Variants in SNAP25 observed in about 807,000 individuals in gnomAD.
SNAP25 encodes synaptosomal-associated protein 25.
A neutral mutation model predicts 28.7 loss-of-function variants in SNAP25; 3 were observed. The ratio of observed to expected loss-of-function variants is 0.10; its 90% CI spans 0.05 to 0.27. The LOEUF (loss-of-function observed/expected upper bound fraction) is 0.27. Among genes scored for constraint, SNAP25 ranks in the 10% least tolerant of loss-of-function variants. SNAP25 has a pLI of 1.00. For missense variants in SNAP25, 117 were observed against 278.7 expected (o/e 0.42, Z 4.13); for synonymous variants, 61 against 88.1 (o/e 0.69, Z 1.72).
chr20:10,246,963 A>C (rs755634715), intron 1 of SNAP25, among the ~76,000 whole-genome samples: 8 of 152,010 alleles, frequency 5.3e-5, no homozygotes, highest in Non-Finnish European at 1.2e-4. Context: ...TGTGTAGAAA[A>C]GGGGTGATGA....
chr20:10,279,415 C>T (rs1297557630), intron 3 of SNAP25, among the ~76,000 whole-genome samples: 1 of 152,176 alleles, frequency 6.6e-6, no homozygotes, highest in African/African-American at 2.4e-5. Context: ...CGTGTGTGCA[C>T]ATCTGATATA....
At chr20:10,301,283 C>T (rs1196335902) in intron 7 of SNAP25, among the ~76,000 whole-genome samples, 1 of 152,152 alleles carries the variant, frequency 6.6e-6, no homozygotes, top group Non-Finnish European at 1.5e-5. Context: ...TAATCAGAAG[C>T]CAGGCAGGTG....
intron 4 of SNAP25, among the ~76,000 whole-genome samples, chr20:10,286,502 T>C (rs921844346): frequency 2.0e-5 from 3 of 152,106 alleles, no homozygotes; most frequent in Non-Finnish European, 2.9e-5. Flanking sequence ...CAAAGATTGC[T>C]GATTAGAGGA....
At chr20:10,287,405 A>T (rs2063902997) in intron 4 of SNAP25, among the ~76,000 whole-genome samples, 1 of 151,976 alleles carries the variant, frequency 6.6e-6, no homozygotes, top group African/African-American at 2.4e-5. Flanking sequence ...AACACATGAA[A>T]AAATGCTCAC....
At chr20:10,296,486 C>T (rs2064112668) in intron 5 of SNAP25, 1 of 159,608 alleles carries the variant, frequency 6.3e-6, no homozygotes, top group Admixed American at 6.0e-5. Context: ...AGGATGTTTT[C>T]TTGATGACAG....
At chr20:10,270,900 T>G (rs2063581934) in intron 1 of SNAP25, among the ~76,000 whole-genome samples, 1 of 152,114 alleles carries the variant, frequency 6.6e-6, no homozygotes, top group African/African-American at 2.4e-5. Context: ...TACATGGGAG[T>G]GTCAGAACAG....
rs145864681 is a variant in SNAP25, at chr20:10,241,549, G to A, written c.-64+22572G>A. Reference sequence around the variant, plus strand: ...GATGGACAAGAAAAATATCAGATGGGGATGGTGGCTAAGTAAGAGATTGAA... The same window carrying A: ...GATGGACAAGAAAAATATCAGATGGAGATGGTGGCTAAGTAAGAGATTGAA... On this transcript the variant is annotated intron_variant, in intron 1 of 7. Coordinates refer to ENST00000254976, the MANE Select transcript of SNAP25 (RefSeq NM_130811.4). Among the ~76,000 whole-genome samples the A allele has an allele frequency of 9.8e-3, 1,495 of 152,194 alleles. 28 individuals carry two copies. Among genetic ancestry groups the A allele is most frequent in the Non-Finnish European group, 9.9e-3 (674 of 67,994 alleles).
At chr20:10,234,295 G>T (rs2062879292) in intron 1 of SNAP25, among the ~76,000 whole-genome samples, 2 of 152,130 alleles carry the variant, frequency 1.3e-5, no homozygotes, top group Admixed American at 1.3e-4. Context: ...CCCTGGAAAA[G>T]ATCACCTACT....
chr20:10,257,110 T>C (rs994128980), intron 1 of SNAP25, among the ~76,000 whole-genome samples: 1 of 152,192 alleles, frequency 6.6e-6, no homozygotes, highest in African/African-American at 2.4e-5. Context: ...ATTGAATTGG[T>C]CTGGGGTGTT....
At chr20:10,241,018 G>C (rs1293457760) in intron 1 of SNAP25, among the ~76,000 whole-genome samples, 1 of 152,176 alleles carries the variant, frequency 6.6e-6, no homozygotes, top group Non-Finnish European at 1.5e-5. Context: ...GAAATGCCCT[G>C]CTGCCTTGCT....
intron 4 of SNAP25, among the ~76,000 whole-genome samples, chr20:10,292,016 A>G (rs1371638708): frequency 6.6e-6 from 1 of 152,200 alleles, no homozygotes; most frequent in African/African-American, 2.4e-5. Flanking sequence ...CTATTGATCT[A>G]TGTACTTAGA....
intron 3 of SNAP25, among the ~76,000 whole-genome samples, chr20:10,281,269 A>G (rs16991334): frequency 0.04 from 6,056 of 152,228 alleles, 191 homozygotes; most frequent in South Asian, 0.11. Flanking sequence ...AAAACATAAT[A>G]CTATTTAAGG....
chr20:10,279,548 A>G (rs2063746184), intron 3 of SNAP25, among the ~76,000 whole-genome samples: 1 of 152,192 alleles, frequency 6.6e-6, no homozygotes, highest in Non-Finnish European at 1.5e-5. Flanking sequence ...GATCCCTTAC[A>G]CATCAGAGTC....
At chr20:10,236,798 C>T (rs1325036660) in intron 1 of SNAP25, among the ~76,000 whole-genome samples, 1 of 151,962 alleles carries the variant, frequency 6.6e-6, no homozygotes, top group Non-Finnish European at 1.5e-5. Context: ...ACCCAGCTGC[C>T]TAGCCAGGCA....
chr20:10,276,891 T>G (rs2063701680), intron 2 of SNAP25, among the ~76,000 whole-genome samples: 1 of 152,244 alleles, frequency 6.6e-6, no homozygotes, highest in Non-Finnish European at 1.5e-5. Context: ...GACTGCTGCT[T>G]GCAGCCATTC....
At chr20:10,289,112 T>C (rs2063942887) in intron 4 of SNAP25, among the ~76,000 whole-genome samples, 2 of 152,186 alleles carry the variant, frequency 1.3e-5, no homozygotes, top group Admixed American at 1.3e-4. Context: ...GGCCAGGCCA[T>C]TCCAGGTTGT....
In SNAP25 at chr20:10,307,143, A is replaced by G. The variant is rs1472315211; in HGVS notation, c.*946A>G. On this transcript the variant is annotated 3_prime_UTR_variant, in exon 8 of 8. Coordinates refer to ENST00000254976, the MANE Select transcript of SNAP25 (RefSeq NM_130811.4). ...GTGAAACAGTGTGGATGTAAATTTT[A>G]TAAGGCTGACTCTTACTAACCACCA... 6.6e-6 allele frequency: 1 copy of G among 152,510 alleles called. No individual in the cohort carries two copies. The highest frequency in any genetic ancestry group is 6.5e-5 in the Admixed American group (1 of 15,268). The allele number at this position is 152,510 out of a possible 1,614,324, so 9.4% of individuals were successfully genotyped here.
chr20:10,302,552 G>A (rs1207167775), intron 7 of SNAP25, among the ~76,000 whole-genome samples: 1 of 152,170 alleles, frequency 6.6e-6, no homozygotes. Flanking sequence ...AAGATGGGCT[G>A]AACAGCTCCT....
intron 5 of SNAP25, among the ~76,000 whole-genome samples, chr20:10,295,872 C>G (rs1012559740): frequency 6.6e-6 from 1 of 152,188 alleles, no homozygotes; most frequent in African/African-American, 2.4e-5. Context: ...AGTCTTTTCT[C>G]CAAGGCAGCT....
Sources: allele counts gnomAD v4.1 joint callset (sites outside exome capture counted in the v4.1 genomes callset), GRCh38; gene constraint gnomAD v4.1.1; transcripts MANE v1.5; gene names NCBI Gene and HGNC (gene_info 2026-07-23, HGNC 2026-07-21).